Variants in DLGAP2 observed in about 807,000 individuals in gnomAD.
DLGAP2 encodes disks large-associated protein 2.
A neutral mutation model predicts 100.3 loss-of-function variants in DLGAP2; 26 were observed. The ratio of observed to expected loss-of-function variants is 0.26; its 90% confidence interval spans 0.19 to 0.36. DLGAP2 has a LOEUF of 0.36. Among genes scored for constraint, DLGAP2 ranks in the 10% least tolerant of loss-of-function variants. DLGAP2 has a pLI of 1.00. For missense variants in DLGAP2, 1,858 were observed against 1,453.2 expected, an observed-to-expected ratio of 1.28 and a Z score of -4.53; for synonymous variants, 886 against 630.1, an observed-to-expected ratio of 1.41 and a Z score of -6.08.
intron 3 of DLGAP2, among the ~76,000 whole-genome samples, chr8:1,310,651 T>TTTTTGTTC (rs1800592899): frequency 6.6e-6 from 1 of 151,490 alleles, no homozygotes; most frequent in Non-Finnish European, 1.5e-5. Context: ...TTGGGTTTTT[T>TTTTTGTTC]TTTGTTTTTT....
intron 1 of DLGAP2, among the ~76,000 whole-genome samples, chr8:761,931 G>T (rs1208598361): frequency 6.6e-6 from 1 of 152,204 alleles, no homozygotes; most frequent in East Asian, 1.9e-4. Context: ...GCTGGATGAG[G>T]ATGCTTCTGA....
At chr8:1,445,702 A>G (rs1369114619) in intron 3 of DLGAP2, among the ~76,000 whole-genome samples, 1 of 152,192 alleles carries the variant, frequency 6.6e-6, no homozygotes, top group Non-Finnish European at 1.5e-5. Context: ...TTACAGTCCC[A>G]CTAACAGTGT....
At chr8:1,476,650 G>A (rs531101109) in intron 3 of DLGAP2, among the ~76,000 whole-genome samples, 1 of 152,106 alleles carries the variant, frequency 6.6e-6, no homozygotes, top group African/African-American at 2.4e-5. Flanking sequence ...ACCCACCCGT[G>A]ATGGCTGACT....
At chr8:1,696,152 T>G (rs1162949469) in intron 13 of DLGAP2, among the ~76,000 whole-genome samples, 1 of 152,192 alleles carries the variant, frequency 6.6e-6, no homozygotes, top group Non-Finnish European at 1.5e-5. Flanking sequence ...CCTCTGACTC[T>G]TTTAAATCCC....
chr8:1,699,162 G>T (rs1799498886), intron 14 of DLGAP2, among the ~76,000 whole-genome samples: 1 of 152,216 alleles, frequency 6.6e-6, no homozygotes, highest in Non-Finnish European at 1.5e-5. Context: ...TTTGGTCATT[G>T]AGAGCAAACG....
intron 2 of DLGAP2, among the ~76,000 whole-genome samples, chr8:1,194,082 C>T (rs1337237922): frequency 1.3e-5 from 2 of 151,990 alleles, no homozygotes; most frequent in African/African-American, 2.4e-5. Flanking sequence ...ACTGGGATGC[C>T]GCAGTATACC....
At chr8:1,353,128 T>C (rs1266997242) in intron 3 of DLGAP2, among the ~76,000 whole-genome samples, 1 of 152,176 alleles carries the variant, frequency 6.6e-6, no homozygotes, top group East Asian at 1.9e-4. Context: ...TGCAAATCCC[T>C]AAGGGTGTCC....
At chr8:1,680,556 G>C (rs2293973) in intron 12 of DLGAP2, 2 of 151,914 alleles carry the variant, frequency 1.3e-5, no homozygotes, top group African/African-American at 4.8e-5. Flanking sequence ...AGGAGGTGAC[G>C]ATGGACGCCG....
At chr8:1,327,931 A>G (rs1354348501) in intron 3 of DLGAP2, among the ~76,000 whole-genome samples, 1 of 152,202 alleles carries the variant, frequency 6.6e-6, no homozygotes, top group East Asian at 1.9e-4. Flanking sequence ...CTCAGACTGT[A>G]CAAGACCACA....
intron 2 of DLGAP2, among the ~76,000 whole-genome samples, chr8:1,206,954 A>G (rs1031050698): frequency 8.6e-5 from 13 of 151,762 alleles, no homozygotes; most frequent in African/African-American, 2.9e-4. Context: ...TGCTGAGTGG[A>G]CACCGTCTCG....
chr8:850,460 G>A (rs1171041797), intron 1 of DLGAP2, among the ~76,000 whole-genome samples: 7 of 151,986 alleles, frequency 4.6e-5, no homozygotes, highest in Admixed American at 6.6e-5. Context: ...TGTTTTTATT[G>A]TTTCACAGAA....
intron 3 of DLGAP2, among the ~76,000 whole-genome samples, chr8:1,484,800 G>A (rs1453296418): frequency 2.0e-5 from 3 of 152,204 alleles, no homozygotes; most frequent in Admixed American, 1.3e-4. Flanking sequence ...TGGCTTCTGA[G>A]ATGGCTTCAT....
At chr8:862,564 A>G (rs1420881483) in intron 1 of DLGAP2, among the ~76,000 whole-genome samples, 5 of 151,992 alleles carry the variant, frequency 3.3e-5, no homozygotes. Context: ...AAGTGCTGGG[A>G]TTATAGGGGT....
chr8:1,588,766 A>G (rs901205331), intron 6 of DLGAP2, among the ~76,000 whole-genome samples: 35 of 150,554 alleles, frequency 2.3e-4, no homozygotes, highest in Non-Finnish European at 4.9e-4. Flanking sequence ...AAAAAAAGGA[A>G]AAAAAATTAG....
intron 2 of DLGAP2, among the ~76,000 whole-genome samples, chr8:1,111,138 G>A (rs1028771995): frequency 2.0e-5 from 3 of 152,198 alleles, no homozygotes; most frequent in African/African-American, 7.2e-5. Context: ...ATCACTGATG[G>A]CAGGGCTGGA....
chr8:1,190,164 T>C (rs1353567187), intron 2 of DLGAP2, among the ~76,000 whole-genome samples: 2 of 152,172 alleles, frequency 1.3e-5, no homozygotes, highest in Non-Finnish European at 2.9e-5. Context: ...GATTGCACTT[T>C]AGATAAATAG....
intron 3 of DLGAP2, among the ~76,000 whole-genome samples, chr8:1,481,903 A>G (rs907895707): frequency 1.3e-5 from 2 of 152,226 alleles, no homozygotes; most frequent in African/African-American, 4.8e-5. Flanking sequence ...CTCAGGCTCA[A>G]GCTTCCAGCC....
chr8:964,707 G>A (rs1025816658), intron 2 of DLGAP2, among the ~76,000 whole-genome samples: 1 of 152,184 alleles, frequency 6.6e-6, no homozygotes, highest in African/African-American at 2.4e-5. Context: ...CACCCAAGGG[G>A]CCCAGGCCTT....
chr8:1,389,686 TG>T (rs1024170045), intron 3 of DLGAP2, among the ~76,000 whole-genome samples: 2 of 152,094 alleles, frequency 1.3e-5, no homozygotes, highest in Non-Finnish European at 2.9e-5. Context: ...AGACAAGCAC[TG>T]CCTGTCCATG....
Sources: allele counts gnomAD v4.1 joint callset (sites outside exome capture counted in the v4.1 genomes callset), GRCh38; gene constraint gnomAD v4.1.1; transcripts MANE v1.5; gene names NCBI Gene and HGNC (gene_info 2026-07-23, HGNC 2026-07-21).